The following CIT variants were observed in gnomAD, a reference collection of about 807,000 sequenced individuals.
CIT encodes the protein citron Rho-interacting kinase.
A neutral mutation model predicts 272.7 loss-of-function variants in CIT; 79 were observed. The ratio of observed to expected loss-of-function variants is 0.29; its 90% CI spans 0.24 to 0.35. The LOEUF is 0.35. Among genes scored for constraint, CIT ranks in the 10% least tolerant of loss-of-function variants. The pLI is 1.00. For missense variants in CIT, 1,909 were observed against 2,618.3 expected, an observed-to-expected ratio of 0.73 and a Z score of 5.91; for synonymous variants, 948 against 995.6, an observed-to-expected ratio of 0.95 and a Z score of 0.90.
chr12:119,789,810 G>A (rs1965144394), intron 10 of CIT, among the ~76,000 whole-genome samples: 1 of 151,870 alleles, frequency 6.6e-6, no homozygotes, highest in South Asian at 2.1e-4. Context: ...GGGTTCAAGC[G>A]ATTCCCCTGA....
chr12:119,700,170 G>A (rs901164683), intron 44 of CIT, among the ~76,000 whole-genome samples: 6 of 152,172 alleles, frequency 3.9e-5, no homozygotes, highest in Non-Finnish European at 8.8e-5. Flanking sequence ...ACAGGAATTG[G>A]GCTCCTTTCT....
In CIT at chr12:119,752,687, T is replaced by C. The variant is rs371386524; in HGVS notation, c.2707-440A>G. On this transcript the variant is annotated intron_variant, in intron 22 of 47. Coordinates refer to ENST00000392521, the MANE Select transcript of CIT (RefSeq NM_001206999.2). ...GAATTCTATTTATTTTAAACACGCTTTCTCTGATGTGTCCTCATTAGGTAA... is the reference window on the plus strand; with the variant it reads ...GAATTCTATTTATTTTAAACACGCTCTCTCTGATGTGTCCTCATTAGGTAA... 1.0e-3 allele frequency among the ~76,000 whole-genome samples: 152 copies of C among 152,344 alleles called. 3 individuals are homozygous for C. In the South Asian group the frequency reaches 0.03, roughly 30 times the overall value.
At chr12:119,793,620 C>T (rs1295603469) in intron 10 of CIT, among the ~76,000 whole-genome samples, 1 of 152,220 alleles carries the variant, frequency 6.6e-6, no homozygotes, top group East Asian at 1.9e-4. Flanking sequence ...CCAAACATGC[C>T]TTCTGTTCAT....
At position 119,720,646 on chromosome 12, in the gene CIT, T is replaced by G. The variant is rs1957775053; in HGVS notation, c.3733-61A>C. 3.2e-6 allele frequency: 4 copies of G among 1,264,336 alleles called. No homozygotes were observed. The East Asian group carries it at 9.4e-5, about 30-fold the overall frequency. The allele number at this position is 1,264,336 out of a possible 1,614,324, so 78.3% of individuals were successfully genotyped here. ...GACAGAAGTATACTTTTAAAGTTGGTACTTTAAGAAACTAAAAAGTGAAGT... is the reference window on the plus strand; with the variant it reads ...GACAGAAGTATACTTTTAAAGTTGGGACTTTAAGAAACTAAAAAGTGAAGT... On this transcript the variant is annotated intron_variant, in intron 29 of 47. Transcript: ENST00000392521.
intron 23 of CIT, 77 bp from the exon 24 acceptor site, chr12:119,742,541 A>G: frequency 8.9e-7 from 1 of 1,128,682 alleles, no homozygotes; most frequent in Non-Finnish European, 1.3e-6. Context: ...AAATATAGAG[A>G]ATAGCAATTT....
intron 7 of CIT, among the ~76,000 whole-genome samples, chr12:119,829,957 T>C (rs978649295): frequency 6.6e-6 from 1 of 152,022 alleles, no homozygotes; most frequent in Non-Finnish European, 1.5e-5. Context: ...CCAGTAAATG[T>C]GGATTATATT....
intron 9 of CIT, among the ~76,000 whole-genome samples, chr12:119,810,706 GA>G (rs5801367): frequency 0.67 from 66,873 of 100,340 alleles, 20,269 homozygotes; most frequent in East Asian, 0.8. Flanking sequence ...CATCATCTCA[GA>G]AAAAAAAAAA....
intron 39 of CIT, among the ~76,000 whole-genome samples, chr12:119,709,787 A>AGTGTGTGT (rs150206566): frequency 9.3e-6 from 1 of 107,634 alleles, no homozygotes; most frequent in African/African-American, 3.5e-5. Context: ...AGAGAGAGAG[A>AGTGTGTGT]GTGTGTGTGT....
rs1964611745 is a variant in CIT at position 119,784,740 on chromosome 12, G to A, written c.1401+220C>T. 6 of 1,391,446 alleles carry A rather than the reference G, an allele frequency of 4.3e-6. No individual in the cohort carries two copies. Among genetic ancestry groups the A allele is most frequent in the Non-Finnish European group, 5.6e-6 (6 of 1,076,132 alleles). The allele number at this position is 1,391,446 out of a possible 1,614,324, so 86.2% of individuals were successfully genotyped here. The stretch of plus-strand genomic sequence containing the variant: ...TGAGAAACGGACTGTTTAAATCCAG[G>A]GCCTCCTCTGGTTTAGATTTAAAGG... On this transcript the variant is annotated intron_variant, in intron 11 of 47. Transcript: ENST00000392521. This position sits in a 1 kb window ranked among gnomAD's most constrained non-coding sequence, Gnocchi z 4.7.
chr12:119,807,504 C>T (rs916852052), intron 9 of CIT, among the ~76,000 whole-genome samples: 22 of 152,008 alleles, frequency 1.4e-4, no homozygotes, highest in African/African-American at 5.3e-4. Flanking sequence ...TTTTAGTTCA[C>T]TGAAATCATA....
At position 119,694,104 on chromosome 12, in the gene CIT, T is replaced by C. The variant is rs1301875639; in HGVS notation, c.5882+3555A>G. Reference sequence around the variant, plus strand: ...TCGAGCTGGATCTAGCTCCTAGCACTGTGTCAAGACGAGGCCAGTCCCACT... The same window carrying C: ...TCGAGCTGGATCTAGCTCCTAGCACCGTGTCAAGACGAGGCCAGTCCCACT... On this transcript the variant is annotated intron_variant, in intron 46 of 47. Transcript: ENST00000392521. This position sits in a 1 kb window ranked among gnomAD's most constrained non-coding sequence, Gnocchi z 4.5. 6.6e-6 allele frequency among the ~76,000 whole-genome samples: 1 copy of C among 152,200 alleles called. No individual in the cohort carries two copies. Among genetic ancestry groups the C allele is most frequent in the Admixed American group, 6.5e-5 (1 of 15,284 alleles).
rs375750047 is a variant in CIT, at chr12:119,772,884, G to A, written c.1968C>T (p.Thr656=). ...CCTGGCGGATATTCTGCAGCAGCTC[G>A]GTGGCCTCCGTGCTGGCTTTTACAG... ...EKAVKASTEA[T]ELLQNIRQAK... Residue 656 remains threonine, a synonymous_variant, in exon 17 of 48, where the codon ACC becomes ACT. Coordinates refer to ENST00000392521, the MANE Select transcript of CIT (RefSeq NM_001206999.2). 1.5e-5 allele frequency: 24 copies of A among 1,613,790 alleles called. No homozygotes were observed. In the Middle Eastern group the frequency reaches 4.9e-4, roughly 33 times the overall value.
At chr12:119,774,620 T>G (rs1380316442) in intron 16 of CIT, among the ~76,000 whole-genome samples, 1 of 152,160 alleles carries the variant, frequency 6.6e-6, no homozygotes, top group East Asian at 1.9e-4. Context: ...TACATGCAAT[T>G]ATTATTTGCC....
At chr12:119,855,780 T>C (rs1317904356) in intron 4 of CIT, among the ~76,000 whole-genome samples, 1 of 152,186 alleles carries the variant, frequency 6.6e-6, no homozygotes, top group East Asian at 1.9e-4. Context: ...GGTATACCTA[T>C]TTGAATATCT....
intron 13 of CIT, among the ~76,000 whole-genome samples, chr12:119,780,520 G>A (rs1393693473): frequency 6.6e-6 from 1 of 152,136 alleles, no homozygotes; most frequent in Admixed American, 6.5e-5. Context: ...AGGAGGCTGA[G>A]GCAGGAGAAT....
intron 32 of CIT, among the ~76,000 whole-genome samples, chr12:119,716,357 C>T (rs190613289): frequency 9.1e-5 from 10 of 110,324 alleles, no homozygotes; most frequent in African/African-American, 1.4e-4. Flanking sequence ...CAAGCCTGGG[C>T]GACAGAGCGA....
At chr12:119,701,773 C>T (rs1565906137) in intron 42 of CIT, 21 bp from the exon 43 acceptor site, 7 of 1,614,156 alleles carry the variant, frequency 4.3e-6, no homozygotes, top group South Asian at 3.3e-5. Context: ...AGGCGAGAAG[C>T]GGGGCTTCAG....
intron 10 of CIT, among the ~76,000 whole-genome samples, chr12:119,799,972 G>C (rs940582671): frequency 4.0e-5 from 6 of 151,882 alleles, no homozygotes; most frequent in African/African-American, 4.8e-5. Flanking sequence ...TATACTTATG[G>C]TTTGCAGAAA....
chr12:119,874,690 T>C (rs943175997), intron 2 of CIT, among the ~76,000 whole-genome samples: 3 of 151,994 alleles, frequency 2.0e-5, no homozygotes, highest in African/African-American at 7.2e-5. Flanking sequence ...AAAAATACCA[T>C]CCTGACTAAC....
Sources: gnomAD v4.1 joint callset for allele counts (sites outside exome capture counted in the v4.1 genomes callset) on GRCh38, gnomAD v4.1.1 for gene constraint, Gnocchi (gnomAD v3.1) non-coding constraint, MANE v1.5 for transcripts, NCBI Gene and HGNC (gene_info 2026-07-23, HGNC 2026-07-21) for gene names.